Variants in COIL observed in about 807,000 individuals in gnomAD.
The protein encoded by COIL is coilin p80.
A neutral mutation model predicts 51.6 loss-of-function variants in COIL; 28 were observed. The ratio of observed to expected loss-of-function variants is 0.54; its 90% confidence interval spans 0.40 to 0.74. The LOEUF (loss-of-function observed/expected upper bound fraction) is 0.74. COIL is among the 30% of genes least tolerant of loss of function. COIL has a pLI of 0.00. For missense variants in COIL, 667 were observed against 685.9 expected (o/e 0.97, Z 0.31); for synonymous variants, 233 against 255.8 (o/e 0.91, Z 0.85).
Position 56,950,228 on chromosome 17 carries a change from C to A in COIL, c.1014G>T (p.Ala338=), listed in dbSNP as rs149764772. 1.9e-6 allele frequency: 3 copies of A among 1,614,178 alleles called. No homozygotes were observed. The East Asian group carries it at 6.7e-5, about 36-fold the overall frequency. ...LMSSSTPECA[A]GFLKTVGLFA... is the part of the protein sequence containing the mutation. ...AAAGGCCTACTGTCTTTAAGAAACC[C>A]GCAGCACACTCCGGGGTGCTCGATG... Residue 338 remains alanine, a synonymous_variant, in exon 2 of 7, where the codon GCG becomes GCT. Coordinates refer to ENST00000240316, the MANE Select transcript of COIL (RefSeq NM_004645.3).
At chr17:56,941,941 C>A in intron 6 of COIL, 94 bp downstream of exon 6, 1 of 1,010,360 alleles carries the variant, frequency 9.9e-7, no homozygotes, top group Non-Finnish European at 1.6e-6. Flanking sequence ...AGATTCCCCC[C>A]AGGGCCTGTA....
intron 4 of COIL, among the ~76,000 whole-genome samples, chr17:56,949,001 T>C (rs1473640220): frequency 6.6e-6 from 1 of 152,116 alleles, no homozygotes; most frequent in Non-Finnish European, 1.5e-5. Flanking sequence ...TGGCTGGGCA[T>C]AGTGGCTCAC....
chr17:56,951,031 C>G, intron 1 of COIL, 35 bp from the exon 2 acceptor site: 1 of 1,554,444 alleles, frequency 6.4e-7, no homozygotes, highest in South Asian at 1.2e-5. Flanking sequence ...CTAGAGTGAG[C>G]AATTTATAAA....
intron 4 of COIL, among the ~76,000 whole-genome samples, chr17:56,948,209 A>G (rs1449958329): frequency 6.7e-6 from 1 of 148,748 alleles, no homozygotes; most frequent in Non-Finnish European, 1.5e-5. Flanking sequence ...ATCTCAGCTA[A>G]CTGCAAGCTC....
At chr17:56,958,454 C>T (rs898399892) in intron 1 of COIL, among the ~76,000 whole-genome samples, 1 of 152,232 alleles carries the variant, frequency 6.6e-6, no homozygotes, top group African/African-American at 2.4e-5. Context: ...TTTCTACGGT[C>T]TGCCCATTTG....
intron 4 of COIL, among the ~76,000 whole-genome samples, chr17:56,948,227 C>T (rs57222750): frequency 0.041 from 6,266 of 151,114 alleles, 430 homozygotes; most frequent in African/African-American, 0.14. Flanking sequence ...CTCTGCCTCC[C>T]GGGTTCACGC....
rs767835581 is a variant in COIL at position 56,950,136 on chromosome 17, C to T, written c.1106G>A (p.Arg369His). The change falls in exon 2 of 7, where the codon CGT becomes CAT. Residue 369 changes from arginine (R) to histidine (H), a missense_variant. By Grantham distance (29) the Arg-to-His change is conservative. Transcript: ENST00000240316. ...CTGTCCACCACCATTTGAGCCAGAA[C>T]GCCTCCATCCAGCAGCACCTGCAGT... ...SQTAGAAGWR[R>H]SGSNGGGQAP... 1.1e-5 allele frequency: 18 copies of T among 1,614,170 alleles called. No homozygotes were observed. The highest frequency in any genetic ancestry group is 8.8e-5 in the South Asian group (8 of 91,086).
At chr17:56,957,661 T>TA (rs1347301715) in intron 1 of COIL, among the ~76,000 whole-genome samples, 3 of 152,014 alleles carry the variant, frequency 2.0e-5, no homozygotes, top group South Asian at 2.1e-4. Flanking sequence ...TAAAATAAAA[T>TA]AAAAAAACCA....
At chr17:56,941,589 G>C (rs1167400115) in intron 6 of COIL, among the ~76,000 whole-genome samples, 1 of 152,130 alleles carries the variant, frequency 6.6e-6, no homozygotes, top group Admixed American at 6.6e-5. Flanking sequence ...AGTTGGAACT[G>C]TGGTAACACT....
chr17:56,953,176 T>G (rs566680101), intron 1 of COIL, among the ~76,000 whole-genome samples: 1 of 151,028 alleles, frequency 6.6e-6, no homozygotes, highest in Non-Finnish European at 1.5e-5. Flanking sequence ...CTTTGGGAGG[T>G]CAAGGTGGGT....
chr17:56,960,663 C>T, intron 1 of COIL, 112 bp downstream of exon 1: 8 of 192,020 alleles, frequency 4.2e-5, no homozygotes, highest in South Asian at 2.8e-4. Flanking sequence ...TCGTCCCCTT[C>T]CCCATCCCCC....
At chr17:56,958,417 CA>C (rs1910521355) in intron 1 of COIL, among the ~76,000 whole-genome samples, 1 of 152,204 alleles carries the variant, frequency 6.6e-6, no homozygotes, top group Non-Finnish European at 1.5e-5. Flanking sequence ...ACAACAAAAA[CA>C]AAGACGAACT....
intron 4 of COIL, 29 bp from the exon 5 acceptor site, chr17:56,946,540 T>C (rs757044740): frequency 2.8e-5 from 42 of 1,480,768 alleles, no homozygotes; most frequent in Non-Finnish European, 3.8e-5. Flanking sequence ...CAAGTCAAAA[T>C]CAACATGTAA....
chr17:56,942,185 T>C, intron 5 of COIL, 62 bp from the exon 6 acceptor site: 1 of 1,280,238 alleles, frequency 7.8e-7, no homozygotes, highest in South Asian at 1.2e-5. Flanking sequence ...AAAATGTTCC[T>C]CTATGGGGAA....
intron 5 of COIL, among the ~76,000 whole-genome samples, chr17:56,945,269 C>T (rs1204386161): frequency 2.6e-5 from 4 of 151,794 alleles, no homozygotes; most frequent in South Asian, 2.1e-4. Context: ...ACCTGGGAGG[C>T]GGAGGCTGCA....
At chr17:56,943,684 T>C (rs537624836) in intron 5 of COIL, among the ~76,000 whole-genome samples, 1 of 152,174 alleles carries the variant, frequency 6.6e-6, no homozygotes, top group Non-Finnish European at 1.5e-5. Flanking sequence ...CTGTTATTTA[T>C]GTTATATAGT....
chr17:56,949,333 T>C (rs1296029651), intron 4 of COIL, 54 bp downstream of exon 4: 2 of 1,405,680 alleles, frequency 1.4e-6, no homozygotes, highest in Admixed American at 4.5e-5. Flanking sequence ...GTATTAAATA[T>C]GACTTTAGTT....
intron 1 of COIL, among the ~76,000 whole-genome samples, chr17:56,954,392 C>A (rs1193388441): frequency 6.6e-6 from 1 of 152,028 alleles, no homozygotes; most frequent in Admixed American, 6.6e-5. Context: ...GAAACCCAGT[C>A]TCTACTAAAA....
chr17:56,955,699 T>C (rs897454224), intron 1 of COIL, among the ~76,000 whole-genome samples: 3 of 152,204 alleles, frequency 2.0e-5, no homozygotes, highest in African/African-American at 7.2e-5. Context: ...GATATCCAAA[T>C]GTTAGCTCTA....
Sources: gnomAD v4.1 joint callset for allele counts (sites outside exome capture counted in the v4.1 genomes callset) on GRCh38, gnomAD v4.1.1 for gene constraint, MANE v1.5 for transcripts, NCBI Gene and HGNC (gene_info 2026-07-23, HGNC 2026-07-21) for gene names.